Variants in USP10 observed in about 807,000 individuals in gnomAD.
The protein encoded by USP10 is ubiquitin specific peptidase 10, also known as ubiquitin carboxyl-terminal hydrolase 10.
A neutral mutation model predicts 84.5 loss-of-function variants in USP10; 22 were observed. That is an observed-to-expected ratio of 0.26 (90% CI 0.19 to 0.37). The LOEUF (loss-of-function observed/expected upper bound fraction) is 0.37, where lower values mean the gene tolerates loss of function less well. USP10 is among the 10% of genes least tolerant of loss of function. The probability of loss-of-function intolerance (pLI) is 1.00; values close to 1 mark genes in which losing one functional copy is unlikely to be tolerated. For synonymous variants in USP10, 454 were observed against 387.6 expected (o/e 1.17, Z -2.01); for missense variants, 1,019 against 998.9 (o/e 1.02, Z -0.27).
At chr16:84,707,899 C>T (rs1905749174) in intron 1 of USP10, among the ~76,000 whole-genome samples, 1 of 151,330 alleles carries the variant, frequency 6.6e-6, no homozygotes, top group Non-Finnish European at 1.5e-5. Context: ...GGCAACGTAG[C>T]AAAACTCTTT....
chr16:84,702,091 C>T (rs1445325692), intron 1 of USP10, among the ~76,000 whole-genome samples: 13 of 116,440 alleles, frequency 1.1e-4, no homozygotes, highest in Admixed American at 4.7e-4. Flanking sequence ...GAGTCTTGCT[C>T]TGTCGCCCAG....
intron 1 of USP10, among the ~76,000 whole-genome samples, chr16:84,720,178 T>A (rs1024869197): frequency 6.6e-6 from 1 of 152,166 alleles, no homozygotes; most frequent in Non-Finnish European, 1.5e-5. Context: ...AGGAAAATCA[T>A]TTCTGTAGCT....
intron 1 of USP10, among the ~76,000 whole-genome samples, chr16:84,721,692 C>T (rs532877407): frequency 6.6e-6 from 1 of 151,730 alleles, no homozygotes; most frequent in African/African-American, 2.4e-5. Context: ...CCAAGTCTGG[C>T]TTTGTTTTGT....
chr16:84,713,413 T>C (rs1309389632), intron 1 of USP10, among the ~76,000 whole-genome samples: 1 of 152,094 alleles, frequency 6.6e-6, no homozygotes, highest in Non-Finnish European at 1.5e-5. Context: ...CTTGTCACCC[T>C]GTCTGCTTGC....
rs1031718013 is a variant in USP10 at position 84,749,420 on chromosome 16, T to C, written c.1192+3747T>C. ...TACTGAGACAGTGGTATTTGTGTTATTAACTTTTGGGAAAGAGGGAGTAGG... is the reference window on the plus strand; with the variant it reads ...TACTGAGACAGTGGTATTTGTGTTACTAACTTTTGGGAAAGAGGGAGTAGG... On this transcript the variant is annotated intron_variant, in intron 4 of 13. Coordinates refer to ENST00000219473, the MANE Select transcript of USP10 (RefSeq NM_005153.3). Among the ~76,000 whole-genome samples, 5 of 152,198 alleles carry C rather than the reference T, an allele frequency of 3.3e-5. No individual in the cohort carries two copies. In the South Asian group the frequency reaches 6.2e-4, roughly 19 times the overall value.
chr16:84,744,584 T>TACC, intron 3 of USP10, 49 bp from the exon 4 acceptor site: 2 of 1,488,420 alleles, frequency 1.3e-6, no homozygotes, highest in Non-Finnish European at 1.8e-6. Context: ...TACTGGTACT[T>TACC]AGAGTTTGTA....
intron 1 of USP10, among the ~76,000 whole-genome samples, chr16:84,726,976 C>T (rs1460910024): frequency 6.6e-6 from 1 of 152,194 alleles, no homozygotes; most frequent in African/African-American, 2.4e-5. Flanking sequence ...GCTTCCCAGT[C>T]TTTCCTGATG....
At chr16:84,708,496 T>C (rs182683664) in intron 1 of USP10, among the ~76,000 whole-genome samples, 31 of 152,300 alleles carry the variant, frequency 2.0e-4, no homozygotes, top group African/African-American at 7.5e-4. Context: ...TTCTTGTCCA[T>C]CCATTGCCTT....
At chr16:84,706,223 T>C (rs1379707027) in intron 1 of USP10, among the ~76,000 whole-genome samples, 2 of 152,034 alleles carry the variant, frequency 1.3e-5, no homozygotes, top group African/African-American at 4.8e-5. Context: ...TTACTTTTGA[T>C]AGGACATGTT....
intron 1 of USP10, among the ~76,000 whole-genome samples, chr16:84,728,357 AC>A (rs937433004): frequency 5.5e-5 from 6 of 108,934 alleles, no homozygotes; most frequent in African/African-American, 3.1e-4. Context: ...GGCCTTTTTT[AC>A]TTTTTTTTTT....
intron 1 of USP10, among the ~76,000 whole-genome samples, chr16:84,726,403 T>C (rs1279572428): frequency 6.6e-6 from 1 of 152,238 alleles, no homozygotes; most frequent in Non-Finnish European, 1.5e-5. Flanking sequence ...GGTCTTTGTT[T>C]TTCCTTTAGC....
In USP10 at chr16:84,759,937, C is replaced by T. The variant is rs778441616; in HGVS notation, c.1441C>T (p.Pro481Ser). ...EFTNMPVPPK[P>S]RQALGDKIVR... Reference sequence around the variant, plus strand: ...CACTAATATGCCAGTACCTCCAAAACCCCGACAAGGTTAGTAAAAATGAGT... The same window carrying T: ...CACTAATATGCCAGTACCTCCAAAATCCCGACAAGGTTAGTAAAAATGAGT... Residue 481 changes from proline to serine, a missense_variant, in exon 7 of 14, where the codon CCC becomes TCC. Transcript: ENST00000219473. 1.9e-6 allele frequency: 3 copies of T among 1,613,826 alleles called. No individual in the cohort carries two copies. The African/African-American group carries it at 4.0e-5, about 22-fold the overall frequency.
chr16:84,726,481 G>A (rs1486615121), intron 1 of USP10, among the ~76,000 whole-genome samples: 1 of 152,206 alleles, frequency 6.6e-6, no homozygotes, highest in East Asian at 1.9e-4. Context: ...CCCCCTGAGG[G>A]CCGTAGTGGC....
chr16:84,728,723 T>C (rs912232731), intron 1 of USP10, among the ~76,000 whole-genome samples: 3 of 152,210 alleles, frequency 2.0e-5, no homozygotes, highest in Admixed American at 6.5e-5. Context: ...CTTTTTGTAG[T>C]TTTATCAGCA....
intron 4 of USP10, 109 bp downstream of exon 4, chr16:84,745,782 A>G (rs572294530): frequency 1.7e-6 from 2 of 1,155,074 alleles, no homozygotes; most frequent in East Asian, 2.6e-5. Flanking sequence ...CTGTGTGTTA[A>G]TAGCAACGTC....
rs574244824 is a variant in USP10 at position 84,730,126 on chromosome 16, G to A, written c.22-3309G>A. ...GGAAATCCCCTCCACTCCTGTCTGC[G>A]TCCACTCAGCGTCCACTCAGTGCTA... is the stretch of plus-strand genomic sequence containing the variant. On this transcript the variant is annotated intron_variant, in intron 1 of 13. Transcript: ENST00000219473. 3.4e-3 allele frequency among the ~76,000 whole-genome samples: 522 copies of A among 152,146 alleles called. 5 individuals carry two copies. Among genetic ancestry groups the A allele is most frequent in the Middle Eastern group, 0.014 (4 of 294 alleles).
intron 4 of USP10, among the ~76,000 whole-genome samples, chr16:84,753,148 A>T (rs563051620): frequency 6.6e-6 from 1 of 151,666 alleles, no homozygotes; most frequent in East Asian, 1.9e-4. Context: ...TTTATTTTTT[A>T]TTTTTTATTT....
intron 13 of USP10, among the ~76,000 whole-genome samples, chr16:84,778,496 T>C (rs1915251095): frequency 6.6e-6 from 1 of 152,252 alleles, no homozygotes; most frequent in South Asian, 2.1e-4. Flanking sequence ...TCATAATCTC[T>C]GTCCAAGATT....
rs533180127 is a variant in USP10 at position 84,748,712 on chromosome 16, A to T, written c.1192+3039A>T. Among the ~76,000 whole-genome samples, 14 of 152,346 alleles carry T rather than the reference A, an allele frequency of 9.2e-5. No homozygotes were observed. In the South Asian group the frequency reaches 2.7e-3, roughly 29 times the overall value. ...AATAACCAAGAAAAGCTTCATTTAAAATGTTTTAGAACATTCTACTTAGTC... is the reference window on the plus strand; with the variant it reads ...AATAACCAAGAAAAGCTTCATTTAATATGTTTTAGAACATTCTACTTAGTC... On this transcript the variant is annotated intron_variant, in intron 4 of 13. Coordinates refer to ENST00000219473, the MANE Select transcript of USP10 (RefSeq NM_005153.3).
Sources: allele counts gnomAD v4.1 joint callset (sites outside exome capture counted in the v4.1 genomes callset), GRCh38; gene constraint gnomAD v4.1.1; transcripts MANE v1.5; gene names NCBI Gene and HGNC (gene_info 2026-07-23, HGNC 2026-07-21).